PIGK: variants seen among roughly 807,000 people sequenced by gnomAD.
The protein encoded by PIGK is GPI-anchor transamidase.
A neutral mutation model predicts 50.6 loss-of-function variants in PIGK; 42 were observed. The ratio of observed to expected loss-of-function variants is 0.83; its 90% CI spans 0.65 to 1.07. The LOEUF is 1.07. PIGK is among the 50% of genes least tolerant of loss of function. PIGK has a pLI of 0.00. For missense variants in PIGK, 448 were observed against 488.7 expected (o/e 0.92, Z 0.78); for synonymous variants, 151 against 156.0 (o/e 0.97, Z 0.24).
At chr1:77,093,507 T>G (rs1653342904) in intron 10 of PIGK, among the ~76,000 whole-genome samples, 1 of 152,176 alleles carries the variant, frequency 6.6e-6, no homozygotes, top group African/African-American at 2.4e-5. Flanking sequence ...TTAGTCATCA[T>G]GTATAATGTC....
chr1:77,198,404 T>G (rs1433656671), intron 3 of PIGK, among the ~76,000 whole-genome samples: 1 of 152,032 alleles, frequency 6.6e-6, no homozygotes, highest in Non-Finnish European at 1.5e-5. Flanking sequence ...AAGATTACTT[T>G]TATTCCAAAT....
At chr1:77,206,388 CAT>C (rs766041177) in intron 3 of PIGK, among the ~76,000 whole-genome samples, 2 of 152,172 alleles carry the variant, frequency 1.3e-5, no homozygotes, top group Non-Finnish European at 2.9e-5. Flanking sequence ...TAATTAAATA[CAT>C]TACACTAAAT....
intron 8 of PIGK, among the ~76,000 whole-genome samples, chr1:77,156,484 C>T (rs1030279708): frequency 4.6e-5 from 7 of 152,282 alleles, no homozygotes; most frequent in South Asian, 2.1e-4. Context: ...TGTCCTCACT[C>T]TAGCCAGGCC....
intron 10 of PIGK, among the ~76,000 whole-genome samples, chr1:77,103,464 C>T (rs1207097295): frequency 1.3e-5 from 2 of 152,134 alleles, no homozygotes; most frequent in African/African-American, 4.8e-5. Flanking sequence ...AAATTAAATG[C>T]TAAGGAATTA....
At chr1:77,185,411 G>T (rs974087735) in intron 3 of PIGK, among the ~76,000 whole-genome samples, 4 of 152,178 alleles carry the variant, frequency 2.6e-5, no homozygotes, top group Non-Finnish European at 5.9e-5. Flanking sequence ...GCCAGAGGAT[G>T]GGAAATAAAT....
At chr1:77,194,923 A>G in intron 3 of PIGK, 1 of 526,884 alleles carries the variant, frequency 1.9e-6, no homozygotes, top group Non-Finnish European at 3.7e-6. Flanking sequence ...GATGGACAGA[A>G]GTCATGGAAC....
intron 3 of PIGK, among the ~76,000 whole-genome samples, chr1:77,205,221 T>C (rs1261756872): frequency 6.6e-6 from 1 of 151,910 alleles, no homozygotes. Flanking sequence ...TCTAGAAGAG[T>C]ATATCCAGTA....
intron 5 of PIGK, among the ~76,000 whole-genome samples, chr1:77,164,374 T>C (rs992876813): frequency 6.6e-6 from 1 of 152,194 alleles, no homozygotes; most frequent in South Asian, 2.1e-4. Context: ...GCAGGTTGCC[T>C]GGATTCAAAT....
chr1:77,149,005 A>G (rs1212666252), intron 9 of PIGK, among the ~76,000 whole-genome samples: 11 of 152,032 alleles, frequency 7.2e-5, no homozygotes, highest in South Asian at 2.1e-4. Context: ...GTGAGCCACC[A>G]CGCCCAGCCA....
rs1161812778 is a variant in PIGK, at chr1:77,122,332, T to C, written c.1014A>G (p.Lys338=). 31 of 1,604,448 alleles carry C rather than the reference T, an allele frequency of 1.9e-5. No homozygotes were observed. The highest frequency in any genetic ancestry group is 2.5e-5 in the Non-Finnish European group (29 of 1,171,914). The part of the protein sequence containing the change: ...SSYKEDQMDE[K]LMEPLKYAEQ... Reference sequence around the variant, plus strand: ...CAGCATATTTCAGAGGTTCCATTAGTTTCTCATCCATCTGGTCTTCCTTAT... The same window carrying C: ...CAGCATATTTCAGAGGTTCCATTAGCTTCTCATCCATCTGGTCTTCCTTAT... Residue 338 remains lysine, a synonymous_variant, in exon 10 of 11, where the codon AAA becomes AAG. Coordinates refer to ENST00000370812, the MANE Select transcript of PIGK (RefSeq NM_005482.3).
At chr1:77,100,488 A>G (rs1008594185) in intron 10 of PIGK, among the ~76,000 whole-genome samples, 2 of 152,226 alleles carry the variant, frequency 1.3e-5, no homozygotes, top group African/African-American at 4.8e-5. Context: ...TAAATGCCCT[A>G]TATAATACCT....
At chr1:77,171,777 C>T (rs1265249854) in intron 3 of PIGK, among the ~76,000 whole-genome samples, 2 of 152,016 alleles carry the variant, frequency 1.3e-5, no homozygotes, top group Non-Finnish European at 2.9e-5. Context: ...GTTTCTAAAA[C>T]TTAAGAAATG....
chr1:77,124,695 C>G (rs947374513), intron 9 of PIGK, among the ~76,000 whole-genome samples: 1 of 151,198 alleles, frequency 6.6e-6, no homozygotes, highest in African/African-American at 2.4e-5. Flanking sequence ...AATTTCAAGA[C>G]TCCTTTGTTT....
intron 10 of PIGK, among the ~76,000 whole-genome samples, chr1:77,122,021 A>G (rs1431091358): frequency 6.6e-6 from 1 of 152,228 alleles, no homozygotes; most frequent in African/African-American, 2.4e-5. Flanking sequence ...TAATTAAATA[A>G]TGCACAAAAG....
intron 3 of PIGK, among the ~76,000 whole-genome samples, chr1:77,204,696 T>C (rs942708263): frequency 1.3e-5 from 2 of 152,002 alleles, no homozygotes; most frequent in Admixed American, 6.6e-5. Context: ...TTAGGAAAAA[T>C]AGAAAAGAAC....
chr1:77,099,524 T>C (rs1041677586), intron 10 of PIGK, among the ~76,000 whole-genome samples: 4 of 152,186 alleles, frequency 2.6e-5, no homozygotes, highest in African/African-American at 9.6e-5. Flanking sequence ...ATTACTGATG[T>C]CCAACTTTAA....
chr1:77,121,533 A>G (rs1490961062), intron 10 of PIGK, among the ~76,000 whole-genome samples: 1 of 152,160 alleles, frequency 6.6e-6, no homozygotes, highest in Non-Finnish European at 1.5e-5. Context: ...AAAACTCACA[A>G]TAACAATCAA....
chr1:77,107,106 T>G (rs1653701672), intron 10 of PIGK, among the ~76,000 whole-genome samples: 1 of 152,210 alleles, frequency 6.6e-6, no homozygotes, highest in African/African-American at 2.4e-5. Flanking sequence ...TGCTCTGATC[T>G]TAGTTATTTC....
rs139270150 is a variant in PIGK at position 77,140,427 on chromosome 1, A to G, written c.986+14022T>C. 2.6e-3 allele frequency among the ~76,000 whole-genome samples: 387 copies of G among 151,722 alleles called. 2 individuals carry two copies. The highest frequency in any genetic ancestry group is 8.3e-3 in the African/African-American group (343 of 41,340). ...CTGTTCCCCATTTGCCCTCTACCAT[A>G]ATTGGAAGCTTCCTGACGCCTCCCC... On this transcript the variant is annotated intron_variant, in intron 9 of 10. Transcript: ENST00000370812.
Sources: gnomAD v4.1 joint callset for allele counts (sites outside exome capture counted in the v4.1 genomes callset) on GRCh38, gnomAD v4.1.1 for gene constraint, MANE v1.5 for transcripts, NCBI Gene and HGNC (gene_info 2026-07-23, HGNC 2026-07-21) for gene names.